Variants in MYLK3 observed in about 807,000 individuals in gnomAD.
MYLK3 encodes myosin light chain kinase 3.
In MYLK3, 55 loss-of-function variants were observed where a neutral mutation model predicts 76.3. The observed-to-expected ratio is 0.72, with a 90% CI of 0.58 to 0.90. MYLK3 has a LOEUF of 0.90. Ranked by LOEUF, MYLK3 falls within the 40% of genes least tolerant of loss-of-function variation. The probability of loss-of-function intolerance (pLI) is 0.00; values close to 1 mark genes in which losing one functional copy is unlikely to be tolerated. For synonymous variants in MYLK3, 416 were observed against 425.4 expected (o/e 0.98, Z 0.27); for missense variants, 973 against 1,053.6 (o/e 0.92, Z 1.06).
intron 4 of MYLK3, among the ~76,000 whole-genome samples, chr16:46,731,728 G>A (rs1190472529): frequency 1.3e-5 from 2 of 152,170 alleles, no homozygotes; most frequent in Non-Finnish European, 2.9e-5. Context: ...CTTTTTAACA[G>A]AGCCTTCTCT....
intron 1 of MYLK3, chr16:46,757,325 G>C: frequency 2.1e-6 from 2 of 961,954 alleles, no homozygotes; most frequent in Non-Finnish European, 2.5e-6. Flanking sequence ...ACCCAGGACC[G>C]GGGAACAACT....
Position 46,727,239 on chromosome 16 carries a change from G to C in MYLK3, c.1911C>G (p.Leu637=), listed in dbSNP as rs1966844465. 6.2e-7 allele frequency: 1 copy of C among 1,613,558 alleles called. No individual in the cohort carries two copies. Among genetic ancestry groups the C allele is most frequent in the South Asian group, 1.1e-5 (1 of 91,064 alleles). ...LHQHYILHLD[L]KPENILCVNQ... is the part of the protein sequence containing the mutation. Reference sequence around the variant, plus strand: ...GCATGCCCAGGGCAGAACCCACCTTGAGGTCCAGGTGCAGGATGTAGTGCT... The same window carrying C: ...GCATGCCCAGGGCAGAACCCACCTTCAGGTCCAGGTGCAGGATGTAGTGCT... The change falls in exon 8 of 13, where the codon CTC becomes CTG. Residue 637 remains leucine, a synonymous_variant. Transcript: ENST00000394809.
intron 4 of MYLK3, among the ~76,000 whole-genome samples, chr16:46,731,562 C>T (rs892230409): frequency 6.6e-5 from 10 of 152,252 alleles, no homozygotes; most frequent in Admixed American, 2.0e-4. Context: ...CCGGGAACAC[C>T]GACAGTGGTC....
At position 46,729,648 on chromosome 16, in the gene MYLK3, G is replaced by A. The variant is rs778403033; in HGVS notation, c.1608C>T (p.Ser536=). 4.3e-6 allele frequency: 7 copies of A among 1,613,720 alleles called. No homozygotes were observed. In the East Asian group the frequency reaches 1.6e-4, roughly 36 times the overall value. The change falls in exon 6 of 13, where the codon TCC becomes TCT. Residue 536 remains serine (S), a synonymous_variant. Coordinates refer to ENST00000394809, the MANE Select transcript of MYLK3 (RefSeq NM_182493.3). ...FGQVHRCTEK[S]TGLPLAAKII... Reference sequence around the variant, plus strand: ...TCTTGGCAGCCAGTGGGAGGCCTGTGGACTTCTCTGTGCACCTGTGGACCT... The same window carrying A: ...TCTTGGCAGCCAGTGGGAGGCCTGTAGACTTCTCTGTGCACCTGTGGACCT...
chr16:46,732,788 A>T (rs1452918196), intron 3 of MYLK3, 120 bp from the exon 4 acceptor site: 5 of 782,506 alleles, frequency 6.4e-6, no homozygotes, highest in Non-Finnish European at 9.7e-6. Context: ...CCTGCTAGAC[A>T]GGACACCAGG....
At chr16:46,727,133 G>T in intron 8 of MYLK3, 103 bp downstream of exon 8, 1 of 1,317,710 alleles carries the variant, frequency 7.6e-7, no homozygotes, top group Non-Finnish European at 1.0e-6. Context: ...AGAGAGCCAG[G>T]AATGGAAGCT....
At chr16:46,712,835 G>A in intron 9 of MYLK3, 59 bp from the exon 10 acceptor site, 1 of 1,452,284 alleles carries the variant, frequency 6.9e-7, no homozygotes, top group African/African-American at 1.5e-5. Flanking sequence ...ATGTGGTGCT[G>A]GGGCTCATTT....
chr16:46,759,502 C>G (rs959303628), intron 1 of MYLK3, among the ~76,000 whole-genome samples: 1 of 152,240 alleles, frequency 6.6e-6, no homozygotes, highest in African/African-American at 2.4e-5. Flanking sequence ...CCCCATTTCA[C>G]AGGCAAGTAA....
chr16:46,740,774 G>A (rs1966919109), intron 1 of MYLK3, among the ~76,000 whole-genome samples: 1 of 151,894 alleles, frequency 6.6e-6, no homozygotes, highest in Non-Finnish European at 1.5e-5. Context: ...CTGGTCTCAA[G>A]CTCCTGGACT....
At chr16:46,717,938 C>T (rs1966760450) in intron 9 of MYLK3, among the ~76,000 whole-genome samples, 1 of 152,202 alleles carries the variant, frequency 6.6e-6, no homozygotes, top group Non-Finnish European at 1.5e-5. Context: ...GCTCATTTGG[C>T]AGCGGGCCAT....
At chr16:46,723,790 C>G (rs998222638) in intron 8 of MYLK3, among the ~76,000 whole-genome samples, 14 of 151,940 alleles carry the variant, frequency 9.2e-5, no homozygotes, top group Non-Finnish European at 1.2e-4. Context: ...GCTGGGATTA[C>G]AGGCATGTGC....
chr16:46,755,301 C>CA (rs1418952011), intron 1 of MYLK3, among the ~76,000 whole-genome samples: 1 of 151,736 alleles, frequency 6.6e-6, no homozygotes, highest in East Asian at 1.9e-4. Context: ...ACTAAAAATA[C>CA]AAAAAAATTA....
chr16:46,714,856 G>A (rs1286897117), intron 9 of MYLK3, among the ~76,000 whole-genome samples: 1 of 152,208 alleles, frequency 6.6e-6, no homozygotes, highest in African/African-American at 2.4e-5. Flanking sequence ...GCCCAGTCTA[G>A]ATCAGCGACT....
At chr16:46,760,541 G>A (rs1241304909) in intron 1 of MYLK3, among the ~76,000 whole-genome samples, 1 of 152,214 alleles carries the variant, frequency 6.6e-6, no homozygotes, top group Non-Finnish European at 1.5e-5. Context: ...AACAGAGAAA[G>A]TGGGACAGTC....
chr16:46,727,475 G>A, intron 7 of MYLK3, 98 bp from the exon 8 acceptor site: 1 of 1,362,070 alleles, frequency 7.3e-7, no homozygotes, highest in Non-Finnish European at 9.9e-7. Flanking sequence ...GCCCGGGTAG[G>A]CCCACCATCA....
intron 8 of MYLK3, chr16:46,725,987 T>C (rs1218608456): frequency 2.6e-5 from 4 of 152,344 alleles, no homozygotes; most frequent in Admixed American, 2.6e-4. Context: ...CCTTGATCCA[T>C]CTTGAGTTGA....
At chr16:46,755,313 C>T (rs570559254) in intron 1 of MYLK3, among the ~76,000 whole-genome samples, 2 of 152,046 alleles carry the variant, frequency 1.3e-5, no homozygotes, top group Non-Finnish European at 2.9e-5. Flanking sequence ...AAAAAATTAA[C>T]TGGGCATGGT....
chr16:46,758,859 G>A (rs957833621), intron 1 of MYLK3, among the ~76,000 whole-genome samples: 3 of 152,144 alleles, frequency 2.0e-5, no homozygotes, highest in Non-Finnish European at 2.9e-5. Context: ...CGGCTCTGAC[G>A]GTTGTCTGAG....
chr16:46,719,645 T>A (rs1373513009), intron 9 of MYLK3, among the ~76,000 whole-genome samples: 1 of 152,064 alleles, frequency 6.6e-6, no homozygotes, highest in East Asian at 1.9e-4. Flanking sequence ...CTGAGTGGGG[T>A]GCTGGGCTGC....
Sources: allele counts gnomAD v4.1 joint callset (sites outside exome capture counted in the v4.1 genomes callset), GRCh38; gene constraint gnomAD v4.1.1; transcripts MANE v1.5; gene names NCBI Gene and HGNC (gene_info 2026-07-23, HGNC 2026-07-21).